The following APP variants were observed in gnomAD, a reference collection of about 807,000 sequenced individuals.
APP encodes amyloid-beta precursor protein.
APP carries 31 observed loss-of-function variants against 101.4 expected under a neutral mutation model. The ratio of observed to expected loss-of-function variants is 0.31; its 90% CI spans 0.23 to 0.41. APP has a LOEUF of 0.41. Among genes scored for constraint, APP ranks in the 10% least tolerant of loss-of-function variants. APP has a pLI of 1.00. For missense variants in APP, 839 were observed against 1,003.7 expected (o/e 0.84, Z 2.22); for synonymous variants, 366 against 364.4 (o/e 1.00, Z -0.05).
Position 26,089,931 on chromosome 21 carries a change from C to T in APP, c.355+12G>A, listed in dbSNP as rs1295640613. The T allele has an allele frequency of 1.9e-6, 3 of 1,613,744 alleles. No individual in the cohort carries two copies. Among genetic ancestry groups the T allele is most frequent in the African/African-American group, 1.3e-5 (1 of 74,896 alleles). On this transcript the variant is annotated intron_variant, in intron 3 of 17. Coordinates refer to ENST00000346798, the MANE Select transcript of APP (RefSeq NM_000484.4). ...CCCCAATCAACACCAGCCCCACGGC[C>T]GGCCGGCTCACCTAAGCAGCGGTAG...
chr21:25,896,468 TTAAG>T (rs2038057449), intron 16 of APP, among the ~76,000 whole-genome samples: 1 of 151,910 alleles, frequency 6.6e-6, no homozygotes, highest in Non-Finnish European at 1.5e-5. Context: ...TGAGATAACT[TTAAG>T]TATTATTGCT....
chr21:25,961,961 TTC>T (rs1167133720), intron 11 of APP, among the ~76,000 whole-genome samples: 1 of 152,192 alleles, frequency 6.6e-6, no homozygotes, highest in East Asian at 1.9e-4. Flanking sequence ...TCTTTAAATC[TTC>T]TGTTACTAGC....
chr21:25,903,342 C>G (rs1480890200), intron 15 of APP, among the ~76,000 whole-genome samples: 1 of 143,644 alleles, frequency 7.0e-6, no homozygotes, highest in East Asian at 2.0e-4. Flanking sequence ...CCACTCCAGC[C>G]TGGGGGACAC....
chr21:25,914,944 C>A (rs2039280614), intron 13 of APP, among the ~76,000 whole-genome samples: 1 of 152,212 alleles, frequency 6.6e-6, no homozygotes, highest in Non-Finnish European at 1.5e-5. Flanking sequence ...ACAGCACAAA[C>A]CGACTGAGAC....
intron 13 of APP, among the ~76,000 whole-genome samples, chr21:25,948,784 A>G (rs945268811): frequency 1.3e-5 from 2 of 151,962 alleles, no homozygotes; most frequent in Non-Finnish European, 2.9e-5. Context: ...TCCTTTTAGC[A>G]GAGATTTAAG....
At chr21:25,914,920 C>G (rs935875523) in intron 13 of APP, among the ~76,000 whole-genome samples, 2 of 152,192 alleles carry the variant, frequency 1.3e-5, no homozygotes, top group African/African-American at 4.8e-5. Flanking sequence ...TACCCAGTCT[C>G]TGGTATCATG....
chr21:25,997,261 AAC>A (rs1376167893), intron 8 of APP, 97 bp downstream of exon 8: 7 of 1,198,134 alleles, frequency 5.8e-6, no homozygotes, highest in Non-Finnish European at 8.7e-6. Context: ...GTGTTCAAGA[AAC>A]ACAAAACCAT....
chr21:26,052,313 C>G (rs2045869483), intron 4 of APP, among the ~76,000 whole-genome samples: 1 of 152,002 alleles, frequency 6.6e-6, no homozygotes, highest in African/African-American at 2.4e-5. Flanking sequence ...CTATCAGATG[C>G]CAGTAACACC....
intron 6 of APP, among the ~76,000 whole-genome samples, chr21:26,016,874 C>A (rs2044090145): frequency 6.7e-6 from 1 of 149,054 alleles, no homozygotes. Context: ...CCAGCCCAGG[C>A]CAATTAAAAA....
At chr21:25,974,179 A>G (rs531301264) in intron 11 of APP, among the ~76,000 whole-genome samples, 235 of 152,198 alleles carry the variant, frequency 1.5e-3, no homozygotes, top group African/African-American at 5.5e-3. Context: ...CTGCTCTGAG[A>G]TGGAAATTTG....
intron 3 of APP, among the ~76,000 whole-genome samples, chr21:26,062,585 C>T (rs1028910475): frequency 2.0e-5 from 3 of 150,908 alleles, no homozygotes; most frequent in Non-Finnish European, 2.9e-5. Context: ...TCGCCTGAGC[C>T]GGGGAAGCAG....
intron 3 of APP, among the ~76,000 whole-genome samples, chr21:26,058,795 C>T (rs2046142591): frequency 6.6e-6 from 1 of 151,168 alleles, no homozygotes; most frequent in African/African-American, 2.4e-5. Context: ...AAAATAAAGA[C>T]ATTAGGCCGG....
intron 3 of APP, among the ~76,000 whole-genome samples, chr21:26,074,290 A>C (rs765187331): frequency 6.6e-5 from 10 of 152,200 alleles, no homozygotes; most frequent in Admixed American, 2.0e-4. Flanking sequence ...CCAAACACCT[A>C]CTGAAACGCC....
intron 11 of APP, among the ~76,000 whole-genome samples, chr21:25,972,043 A>C (rs1452619480): frequency 6.6e-6 from 1 of 152,254 alleles, no homozygotes; most frequent in Non-Finnish European, 1.5e-5. Context: ...ATGTAATAAT[A>C]AGCAATCAAA....
chr21:25,972,061 C>A (rs1012506670), intron 11 of APP, among the ~76,000 whole-genome samples: 1 of 152,164 alleles, frequency 6.6e-6, no homozygotes, highest in Non-Finnish European at 1.5e-5. Context: ...AAAATTGATT[C>A]AAAGTTGACA....
chr21:26,037,623 T>G (rs1225353494), intron 5 of APP, among the ~76,000 whole-genome samples: 1 of 152,210 alleles, frequency 6.6e-6, no homozygotes, highest in Admixed American at 6.5e-5. Flanking sequence ...GTAACTGTGG[T>G]CTCAGCATCC....
At chr21:25,912,139 G>C (rs1173135062) in intron 13 of APP, among the ~76,000 whole-genome samples, 177 bp from the exon 14 acceptor site, 5 of 152,154 alleles carry the variant, frequency 3.3e-5, no homozygotes, top group Non-Finnish European at 7.3e-5. Context: ...TGAAAACTGA[G>C]GCACATGGCA....
chr21:26,105,500 G>A (rs1415516030), intron 2 of APP, among the ~76,000 whole-genome samples: 5 of 151,040 alleles, frequency 3.3e-5, no homozygotes, highest in African/African-American at 9.7e-5. Context: ...CCATCAATAC[G>A]GTTTAAAAAA....
In APP at chr21:26,084,227, ATTTTTTTTTT is replaced by A. The variant is rs869179482; in HGVS notation, c.355+5706_355+5715del. 1.4e-4 allele frequency among the ~76,000 whole-genome samples: 12 copies of A among 83,062 alleles called. No homozygotes were observed. In the South Asian group the frequency reaches 1.5e-3, roughly 10 times the overall value. 54.5% of individuals were successfully genotyped at this position (83,062 alleles called of 152,430 possible). On this transcript the variant is annotated intron_variant, in intron 3 of 17. Transcript: ENST00000346798. ...AGGATGACCTACCTAGAAGGGCTCC[ATTTTTTTTTT>A]TTTTTTTTTTTTTTTTTTTGAGACT...
Sources: gnomAD v4.1 joint callset for allele counts (sites outside exome capture counted in the v4.1 genomes callset) on GRCh38, gnomAD v4.1.1 for gene constraint, MANE v1.5 for transcripts, NCBI Gene and HGNC (gene_info 2026-07-23, HGNC 2026-07-21) for gene names.